The following TGFBR2 variants were observed in gnomAD, a reference collection of about 807,000 sequenced individuals.
TGFBR2 encodes the protein TGF-beta receptor type-2.
Under a neutral mutation model 49.0 loss-of-function variants are expected in TGFBR2, and 18 were observed. That is an observed-to-expected ratio of 0.37 (90% confidence interval 0.25 to 0.54). The LOEUF (loss-of-function observed/expected upper bound fraction) is 0.54, where lower values mean the gene tolerates loss of function less well. Ranked by LOEUF, TGFBR2 falls within the 20% of genes least tolerant of loss-of-function variation. The pLI, the probability that TGFBR2 is intolerant of heterozygous loss-of-function variation, is 0.85. For missense variants in TGFBR2, 525 were observed against 722.6 expected, an observed-to-expected ratio of 0.73 and a Z score of 3.13; for synonymous variants, 282 against 275.9, an observed-to-expected ratio of 1.02 and a Z score of -0.22.
intron 1 of TGFBR2, among the ~76,000 whole-genome samples, chr3:30,619,711 C>A (rs1459523166): frequency 6.6e-6 from 1 of 152,134 alleles, no homozygotes; most frequent in Admixed American, 6.5e-5. Context: ...CTATTTGTGC[C>A]CTACAACGGC....
intron 1 of TGFBR2, among the ~76,000 whole-genome samples, chr3:30,622,656 C>T (rs11466481): frequency 0.045 from 6,826 of 151,818 alleles, 536 homozygotes; most frequent in African/African-American, 0.16. Context: ...CCGAGGCAGG[C>T]GGATCACGAG....
intron 5 of TGFBR2, among the ~76,000 whole-genome samples, chr3:30,686,047 G>A (rs1041211974): frequency 1.3e-5 from 2 of 152,188 alleles, no homozygotes; most frequent in African/African-American, 4.8e-5. Context: ...GGAACATGGA[G>A]GTAGCTCAGT....
chr3:30,673,305 T>C (rs774891842), intron 4 of TGFBR2, among the ~76,000 whole-genome samples: 1 of 152,234 alleles, frequency 6.6e-6, no homozygotes, highest in Non-Finnish European at 1.5e-5. Flanking sequence ...CTTGGAATGA[T>C]AATATCAACT....
chr3:30,690,451 G>A (rs918386108), intron 6 of TGFBR2, among the ~76,000 whole-genome samples: 14 of 152,164 alleles, frequency 9.2e-5, no homozygotes, highest in African/African-American at 2.7e-4. Context: ...GACCCACATA[G>A]GCAGCTGTTT....
At chr3:30,648,488 G>A (rs930496462) in intron 2 of TGFBR2, among the ~76,000 whole-genome samples, 1 of 150,270 alleles carries the variant, frequency 6.7e-6, no homozygotes, top group Non-Finnish European at 1.5e-5. Context: ...GGAGGAAGGT[G>A]TTCTTGTTCC....
intron 1 of TGFBR2, among the ~76,000 whole-genome samples, chr3:30,613,648 G>T (rs2125445485): frequency 6.6e-6 from 1 of 152,246 alleles, no homozygotes; most frequent in Admixed American, 6.5e-5. Flanking sequence ...AAGGCAAATT[G>T]ATTACCAGGG....
intron 1 of TGFBR2, among the ~76,000 whole-genome samples, chr3:30,632,439 C>G (rs1024507465): frequency 3.3e-5 from 5 of 152,172 alleles, no homozygotes; most frequent in African/African-American, 1.2e-4. Context: ...CCTAAACACT[C>G]TTGGCAACTT....
intron 1 of TGFBR2, among the ~76,000 whole-genome samples, chr3:30,609,959 G>C (rs1054504633): frequency 6.6e-6 from 1 of 152,122 alleles, no homozygotes; most frequent in Non-Finnish European, 1.5e-5. Context: ...AATGATGACT[G>C]TTGTCTATGT....
intron 2 of TGFBR2, among the ~76,000 whole-genome samples, chr3:30,648,461 C>CAA (rs1553627564): frequency 1.3e-5 from 1 of 79,202 alleles, no homozygotes; most frequent in East Asian, 3.5e-4. Flanking sequence ...CACACACACA[C>CAA]AAAACTGTGG....
At chr3:30,671,020 G>C (rs996923046) in intron 3 of TGFBR2, among the ~76,000 whole-genome samples, 2 of 152,252 alleles carry the variant, frequency 1.3e-5, no homozygotes, top group African/African-American at 2.4e-5. Flanking sequence ...GGTGCAAACT[G>C]TGGCACGCTC....
intron 3 of TGFBR2, among the ~76,000 whole-genome samples, chr3:30,659,611 G>A (rs538977909): frequency 1.3e-5 from 2 of 150,742 alleles, no homozygotes; most frequent in African/African-American, 4.9e-5. Flanking sequence ...GTGAATATTT[G>A]TACTCTAGAA....
chr3:30,623,837 T>C (rs1698279013), intron 1 of TGFBR2, among the ~76,000 whole-genome samples: 1 of 152,190 alleles, frequency 6.6e-6, no homozygotes, highest in African/African-American at 2.4e-5. Context: ...AACATGAATG[T>C]CTGAATAAAC....
intron 4 of TGFBR2, among the ~76,000 whole-genome samples, chr3:30,673,485 TA>T (rs962196306): frequency 1.3e-5 from 2 of 152,220 alleles, no homozygotes; most frequent in African/African-American, 4.8e-5. Context: ...AGCACAGGCC[TA>T]AAAGTCAAAA....
intron 3 of TGFBR2, among the ~76,000 whole-genome samples, chr3:30,656,962 C>T: frequency 6.6e-6 from 1 of 152,308 alleles, no homozygotes; most frequent in Non-Finnish European, 1.5e-5. Context: ...GTGCTAACTA[C>T]TTTCAGGTGT....
intron 5 of TGFBR2, among the ~76,000 whole-genome samples, chr3:30,681,078 T>C (rs1476760770): frequency 6.9e-6 from 1 of 144,326 alleles, no homozygotes; most frequent in Non-Finnish European, 1.5e-5. Context: ...AGCAGCCAGC[T>C]GAACAAGTAT....
chr3:30,623,985 A>G (rs1277044858), intron 1 of TGFBR2, among the ~76,000 whole-genome samples: 1 of 152,052 alleles, frequency 6.6e-6, no homozygotes, highest in Non-Finnish European at 1.5e-5. Flanking sequence ...CTACTAAAAA[A>G]TACAAAAATT....
chr3:30,684,024 C>T (rs889701142), intron 5 of TGFBR2, among the ~76,000 whole-genome samples: 1 of 152,180 alleles, frequency 6.6e-6, no homozygotes, highest in East Asian at 1.9e-4. Flanking sequence ...TTCTGAGGGA[C>T]ACTTAGAACT....
chr3:30,686,907 C>T (rs1017406293), intron 5 of TGFBR2, among the ~76,000 whole-genome samples: 3 of 152,092 alleles, frequency 2.0e-5, no homozygotes, highest in Admixed American at 2.0e-4. Flanking sequence ...ATCTAAGATT[C>T]ATTCATTCAT....
chr3:30,648,460 A>ACACACACACACACACACACACCCACC (rs1553627538), intron 2 of TGFBR2, among the ~76,000 whole-genome samples: 9 of 142,482 alleles, frequency 6.3e-5, no homozygotes, highest in Admixed American at 4.2e-4. Flanking sequence ...ACACACACAC[A>ACACACACACACACACACACACCCACC]CAAAACTGTG....
Sources: allele counts gnomAD v4.1 joint callset (sites outside exome capture counted in the v4.1 genomes callset), GRCh38; gene constraint gnomAD v4.1.1; transcripts MANE v1.5; gene names NCBI Gene and HGNC (gene_info 2026-07-23, HGNC 2026-07-21).